The following BCL2 variants were observed in gnomAD, a reference collection of about 807,000 sequenced individuals.
BCL2 encodes the protein BCL2 apoptosis regulator, also known as apoptosis regulator Bcl-2.
A neutral mutation model predicts 14.2 loss-of-function variants in BCL2; 1 was observed. That is an observed-to-expected ratio of 0.07 (90% CI 0.02 to 0.33). The LOEUF (loss-of-function observed/expected upper bound fraction) is 0.33. Ranked by LOEUF, BCL2 falls within the 10% of genes least tolerant of loss-of-function variation. The pLI, the probability that BCL2 is intolerant of heterozygous loss-of-function variation, is 0.99. For synonymous variants in BCL2, 151 were observed against 137.2 expected (o/e 1.10, Z -0.70); for missense variants, 247 against 305.9 (o/e 0.81, Z 1.44).
chr18:63,206,178 A>G (rs1313917640), intron 2 of BCL2, among the ~76,000 whole-genome samples: 6 of 152,170 alleles, frequency 3.9e-5, no homozygotes, highest in Non-Finnish European at 7.4e-5. Flanking sequence ...TGCATGCAGC[A>G]CCATCTCAGC....
At chr18:63,224,678 G>A (rs137994333) in intron 2 of BCL2, among the ~76,000 whole-genome samples, 188 of 152,226 alleles carry the variant, frequency 1.2e-3, no homozygotes, top group African/African-American at 4.5e-3. Flanking sequence ...AAATGAGAGA[G>A]TGTAAAGGGA....
chr18:63,208,545 A>G (rs1909908137), intron 2 of BCL2, among the ~76,000 whole-genome samples: 1 of 152,208 alleles, frequency 6.6e-6, no homozygotes, highest in Non-Finnish European at 1.5e-5. Context: ...GGATAAAGGC[A>G]AAGCTGAGAA....
chr18:63,310,015 A>T (rs1287277776), intron 2 of BCL2, among the ~76,000 whole-genome samples: 6 of 151,480 alleles, frequency 4.0e-5, no homozygotes, highest in African/African-American at 1.5e-4. Flanking sequence ...GGCGCCCACC[A>T]CCACACCTGG....
intron 2 of BCL2, among the ~76,000 whole-genome samples, chr18:63,220,129 A>G (rs1910346307): frequency 6.6e-6 from 1 of 152,230 alleles, no homozygotes; most frequent in African/African-American, 2.4e-5. Flanking sequence ...TGGAAAAACT[A>G]AAAATTTTAT....
chr18:63,130,913 C>T (rs896588379), intron 2 of BCL2, among the ~76,000 whole-genome samples: 2 of 152,182 alleles, frequency 1.3e-5, no homozygotes, highest in African/African-American at 4.8e-5. Context: ...ACCAATGCCA[C>T]CTTTTACAAA....
At chr18:63,274,184 G>A (rs1416275348) in intron 2 of BCL2, among the ~76,000 whole-genome samples, 5 of 151,732 alleles carry the variant, frequency 3.3e-5, no homozygotes, top group Non-Finnish European at 7.4e-5. Context: ...ATGCCTCTAC[G>A]GTAATTTCCT....
At chr18:63,251,115 A>G (rs940556693) in intron 2 of BCL2, among the ~76,000 whole-genome samples, 3 of 149,170 alleles carry the variant, frequency 2.0e-5, no homozygotes, top group African/African-American at 7.4e-5. Flanking sequence ...AGACTTGAAG[A>G]AGGGTCACAC....
intron 2 of BCL2, among the ~76,000 whole-genome samples, chr18:63,189,973 A>G (rs755555800): frequency 7.9e-5 from 12 of 152,184 alleles, no homozygotes; most frequent in Non-Finnish European, 1.0e-4. Flanking sequence ...TCCCAGATTA[A>G]ATAGAATGTT....
chr18:63,269,497 A>T (rs1911940370), intron 2 of BCL2, among the ~76,000 whole-genome samples: 1 of 152,170 alleles, frequency 6.6e-6, no homozygotes, highest in Non-Finnish European at 1.5e-5. Context: ...TAGTCATTAA[A>T]ATTTGCCACA....
In BCL2 at chr18:63,127,720, C is replaced by T. The variant is rs116117134; in HGVS notation, c.*905G>A. 3.2e-3 allele frequency: 716 copies of T among 225,664 alleles called. 4 individuals carry two copies. Among genetic ancestry groups the T allele is most frequent in the African/African-American group, 0.015 (670 of 44,998 alleles). 14.0% of individuals were successfully genotyped at this position (225,664 alleles called of 1,614,324 possible). A position where few individuals can be genotyped will look rare whatever the true frequency, so the allele number is the denominator to read the frequency against. On this transcript the variant is annotated 3_prime_UTR_variant, in exon 3 of 3. Transcript: ENST00000333681. ...CTGGGTAACTCTAGCCTTCCTGATG[C>T]GGAAGTCACCGAAATGTTCACTTCC... is the stretch of plus-strand genomic sequence containing the variant.
Position 63,248,518 on chromosome 18 carries a change from C to T in BCL2, c.585+69564G>A, listed in dbSNP as rs141141190. 3.0e-3 allele frequency among the ~76,000 whole-genome samples: 464 copies of T among 152,306 alleles called. 4 individuals are homozygous for T. The highest frequency in any genetic ancestry group is 0.011 in the African/African-American group (441 of 41,556). Reference sequence around the variant, plus strand: ...AGAGTCCATTTTGTAAAATCTTCTCCTGAATGAAACTTCCCATTGGTTTAG... The same window carrying T: ...AGAGTCCATTTTGTAAAATCTTCTCTTGAATGAAACTTCCCATTGGTTTAG... On this transcript the variant is annotated intron_variant, in intron 2 of 2. Transcript: ENST00000333681.
intron 2 of BCL2, among the ~76,000 whole-genome samples, chr18:63,193,214 C>G (rs147333677): frequency 1.1e-3 from 174 of 152,244 alleles, no homozygotes; most frequent in African/African-American, 3.9e-3. Flanking sequence ...AAATGAGGAT[C>G]AATCTACAAA....
At chr18:63,184,578 C>T (rs376170283) in intron 2 of BCL2, among the ~76,000 whole-genome samples, 1 of 152,166 alleles carries the variant, frequency 6.6e-6, no homozygotes. Context: ...ACCTCATATC[C>T]CCATCTGGGG....
intron 2 of BCL2, among the ~76,000 whole-genome samples, chr18:63,303,455 G>A (rs1913027002): frequency 1.3e-5 from 2 of 152,182 alleles, no homozygotes; most frequent in Non-Finnish European, 2.9e-5. Flanking sequence ...AAATAAAGAT[G>A]ACTAACTGGC....
At chr18:63,264,476 T>C (rs570353967) in intron 2 of BCL2, among the ~76,000 whole-genome samples, 140 of 152,278 alleles carry the variant, frequency 9.2e-4, no homozygotes, top group Non-Finnish European at 1.8e-3. Context: ...AAGGGGCCTT[T>C]GTTAAAAGTG....
intron 2 of BCL2, among the ~76,000 whole-genome samples, chr18:63,269,270 A>G (rs1247161443): frequency 1.3e-5 from 2 of 152,176 alleles, no homozygotes; most frequent in South Asian, 2.1e-4. Context: ...GTCTTTAGCT[A>G]TGTAAAGTAT....
At chr18:63,265,543 A>G (rs1911801853) in intron 2 of BCL2, among the ~76,000 whole-genome samples, 1 of 152,206 alleles carries the variant, frequency 6.6e-6, no homozygotes, top group South Asian at 2.1e-4. Flanking sequence ...GCATGCACAT[A>G]GAAGAGGATT....
At position 63,266,637 on chromosome 18, in the gene BCL2, T is replaced by TCTCTCTCACACACACA. The variant is rs1491465885; in HGVS notation, c.585+51444_585+51445insTGTGTGTGTGAGAGAG. ...CTCTCTCTCTCTCTCTCTCTCTCTC[T>TCTCTCTCACACACACA]CACACACACACACACACACAAAAAT... On this transcript the variant is annotated intron_variant, in intron 2 of 2. Transcript: ENST00000333681. Among the ~76,000 whole-genome samples the TCTCTCTCACACACACA allele has an allele frequency of 3.7e-3, 314 of 85,988 alleles. 1 individual carries two copies. Among genetic ancestry groups the TCTCTCTCACACACACA allele is most frequent in the African/African-American group, 0.011 (292 of 27,674 alleles). The allele number at this position is 85,988 out of a possible 152,430, so 56.4% of individuals were successfully genotyped here.
intron 2 of BCL2, among the ~76,000 whole-genome samples, chr18:63,167,190 C>A (rs984650145): frequency 2.0e-5 from 3 of 152,258 alleles, no homozygotes; most frequent in Middle Eastern, 3.4e-3. Context: ...TCACCTATTT[C>A]CTGTCTTTCT....
Sources: gnomAD v4.1 joint callset for allele counts (sites outside exome capture counted in the v4.1 genomes callset) on GRCh38, gnomAD v4.1.1 for gene constraint, MANE v1.5 for transcripts, NCBI Gene and HGNC (gene_info 2026-07-23, HGNC 2026-07-21) for gene names.